The following DGKB variants were observed in gnomAD, a reference collection of about 807,000 sequenced individuals.
The protein encoded by DGKB is diacylglycerol kinase beta.
DGKB carries 67 observed loss-of-function variants against 114.3 expected under a neutral mutation model. The ratio of observed to expected loss-of-function variants is 0.59; its 90% CI spans 0.48 to 0.72. DGKB has a LOEUF of 0.72. DGKB is among the 30% of genes least tolerant of loss of function. DGKB has a pLI of 0.00. For synonymous variants in DGKB, 398 were observed against 323.1 expected, an observed-to-expected ratio of 1.23 and a Z score of -2.49; for missense variants, 907 against 975.2, an observed-to-expected ratio of 0.93 and a Z score of 0.93.
At chr7:14,187,034 AAAT>A (rs1783551006) in intron 23 of DGKB, among the ~76,000 whole-genome samples, 1 of 148,882 alleles carries the variant, frequency 6.7e-6, no homozygotes, top group South Asian at 2.1e-4. Context: ...ATAAATAAAT[AAAT>A]AAATGTTATC....
At chr7:14,813,589 A>G (rs980973347) in intron 2 of DGKB, among the ~76,000 whole-genome samples, 1 of 152,184 alleles carries the variant, frequency 6.6e-6, no homozygotes, top group Non-Finnish European at 1.5e-5. Context: ...TAGACTGTAT[A>G]TAGCTGTATG....
At chr7:14,769,537 A>C (rs1254645788) in intron 2 of DGKB, among the ~76,000 whole-genome samples, 1 of 152,136 alleles carries the variant, frequency 6.6e-6, no homozygotes, top group East Asian at 1.9e-4. Context: ...GAAAAAAAAA[A>C]CTGCCAAGAA....
rs866726568 is a variant in DGKB, at chr7:14,402,979, G to A, written c.1836-57588C>T. Among the ~76,000 whole-genome samples the A allele has an allele frequency of 4.0e-5, 6 of 151,860 alleles. No homozygotes were observed. In the South Asian group the frequency reaches 1.2e-3, roughly 32 times the overall value. On this transcript the variant is annotated intron_variant, in intron 21 of 25. Coordinates refer to ENST00000402815, the MANE Select transcript of DGKB (RefSeq NM_001350709.2). The stretch of plus-strand genomic sequence containing the variant: ...CAGCTGTCTTGCCCTGCAGTTTTCG[G>A]ACATTTCAGCTCCACAATAGCATGA...
At chr7:14,634,974 A>C (rs144186809) in intron 13 of DGKB, among the ~76,000 whole-genome samples, 2,104 of 151,728 alleles carry the variant, frequency 0.014, 17 homozygotes, top group Non-Finnish European at 0.021. Context: ...TTTCAGTCAT[A>C]ATACAAGCAA....
chr7:14,905,155 A>C (rs769686849), upstream of DGKB, among the ~76,000 whole-genome samples: 72 of 152,204 alleles, frequency 4.7e-4, no homozygotes, highest in Non-Finnish European at 8.7e-4. Flanking sequence ...ATAAATAAGA[A>C]GGAGTCTAAA....
intron 19 of DGKB, among the ~76,000 whole-genome samples, chr7:14,577,929 CA>C (rs1452515367): frequency 6.6e-6 from 1 of 152,190 alleles, no homozygotes; most frequent in African/African-American, 2.4e-5. Flanking sequence ...ACTGCAACTG[CA>C]TAAAGTACTT....
At chr7:14,812,293 A>T (rs2128082921) in intron 2 of DGKB, among the ~76,000 whole-genome samples, 1 of 151,954 alleles carries the variant, frequency 6.6e-6, no homozygotes, top group Non-Finnish European at 1.5e-5. Flanking sequence ...CACTTTTATT[A>T]CCTGTCTTTA....
chr7:14,726,724 C>T (rs1307212577), intron 5 of DGKB, among the ~76,000 whole-genome samples: 1 of 152,184 alleles, frequency 6.6e-6, no homozygotes, highest in African/African-American at 2.4e-5. Context: ...CATGTGTAAA[C>T]ATGCACATAT....
At chr7:14,871,549 G>A (rs940953500) in intron 1 of DGKB, among the ~76,000 whole-genome samples, 1 of 152,098 alleles carries the variant, frequency 6.6e-6, no homozygotes, top group Non-Finnish European at 1.5e-5. Flanking sequence ...GCTGTTCTCT[G>A]GTATGGGGAT....
At chr7:14,260,443 C>T (rs1342653085) in intron 23 of DGKB, among the ~76,000 whole-genome samples, 2 of 152,158 alleles carry the variant, frequency 1.3e-5, no homozygotes, top group Admixed American at 1.3e-4. Context: ...AAATCAAACC[C>T]TGCTGCTGAT....
At chr7:14,816,195 A>C (rs769727061) in intron 2 of DGKB, among the ~76,000 whole-genome samples, 1 of 152,042 alleles carries the variant, frequency 6.6e-6, no homozygotes, top group Non-Finnish European at 1.5e-5. Flanking sequence ...TTAGCTGGAC[A>C]TAGTGGCATG....
intron 2 of DGKB, among the ~76,000 whole-genome samples, chr7:14,820,364 T>C (rs1844752750): frequency 6.6e-6 from 1 of 152,194 alleles, no homozygotes; most frequent in African/African-American, 2.4e-5. Context: ...TCCAAATTGC[T>C]TGTGCCATAG....
chr7:14,566,407 T>C (rs1244014997), intron 20 of DGKB, among the ~76,000 whole-genome samples: 1 of 152,164 alleles, frequency 6.6e-6, no homozygotes, highest in Non-Finnish European at 1.5e-5. Context: ...AGACATTGGC[T>C]GGGTTTATGA....
intron 1 of DGKB, among the ~76,000 whole-genome samples, chr7:14,954,134 AG>A (rs1786365424): frequency 1.3e-5 from 2 of 151,966 alleles, no homozygotes; most frequent in African/African-American, 4.8e-5. Context: ...AAAGGGAAGG[AG>A]GTGTGGGCCT....
At chr7:14,756,357 A>AT (rs1040729959) in intron 3 of DGKB, among the ~76,000 whole-genome samples, 39 of 151,178 alleles carry the variant, frequency 2.6e-4, no homozygotes, top group African/African-American at 8.5e-4. Context: ...TTAGCTGCTA[A>AT]TTTTTTTTTC....
At chr7:14,368,413 T>C (rs2128645617) in intron 21 of DGKB, among the ~76,000 whole-genome samples, 1 of 152,156 alleles carries the variant, frequency 6.6e-6, no homozygotes, top group African/African-American at 2.4e-5. Context: ...ATGAATCAAA[T>C]GAGATATAGG....
At chr7:14,392,678 A>T (rs1241281480) in intron 21 of DGKB, among the ~76,000 whole-genome samples, 2 of 152,136 alleles carry the variant, frequency 1.3e-5, no homozygotes, top group Non-Finnish European at 2.9e-5. Context: ...TGTTGTCTAA[A>T]CTCAGAAAGT....
At chr7:14,260,934 C>A (rs564039419) in intron 23 of DGKB, among the ~76,000 whole-genome samples, 2 of 152,226 alleles carry the variant, frequency 1.3e-5, no homozygotes, top group East Asian at 3.9e-4. Context: ...TTAACGAAAT[C>A]AAAGAGTCAT....
At chr7:14,521,252 C>A (rs1292215358) in intron 20 of DGKB, among the ~76,000 whole-genome samples, 1 of 152,154 alleles carries the variant, frequency 6.6e-6, no homozygotes, top group African/African-American at 2.4e-5. Context: ...AGAAGTAAGG[C>A]TGCACACCTA....
Sources: gnomAD v4.1 joint callset for allele counts (sites outside exome capture counted in the v4.1 genomes callset) on GRCh38, gnomAD v4.1.1 for gene constraint, MANE v1.5 for transcripts, NCBI Gene and HGNC (gene_info 2026-07-23, HGNC 2026-07-21) for gene names.